PKHD1: variants seen among roughly 807,000 people sequenced by gnomAD.
The protein encoded by PKHD1 is PKHD1 ciliary IPT domain containing fibrocystin/polyductin, also known as fibrocystin.
A neutral mutation model predicts 412.0 loss-of-function variants in PKHD1; 291 were observed. That is an observed-to-expected ratio of 0.71 (90% confidence interval 0.64 to 0.78). The LOEUF (loss-of-function observed/expected upper bound fraction) is 0.78. Among genes scored for constraint, PKHD1 ranks in the 30% least tolerant of loss-of-function variants. The pLI, the probability that PKHD1 is intolerant of heterozygous loss-of-function variation, is 0.00. For missense variants in PKHD1, 4,825 were observed against 4,950.7 expected, an observed-to-expected ratio of 0.97 and a Z score of 0.76; for synonymous variants, 1,777 against 1,821.5, an observed-to-expected ratio of 0.98 and a Z score of 0.62.
chr6:51,782,414 G>A (rs1213705703), intron 53 of PKHD1, among the ~76,000 whole-genome samples: 7 of 151,958 alleles, frequency 4.6e-5, no homozygotes. Context: ...GCCTTATTAG[G>A]GACTCTCCAA....
chr6:51,762,949 T>C (rs1582532421), intron 55 of PKHD1, among the ~76,000 whole-genome samples: 1 of 152,160 alleles, frequency 6.6e-6, no homozygotes, highest in Admixed American at 6.6e-5. Context: ...TTATTTTGAG[T>C]CTGAAGTTAT....
At chr6:51,848,395 T>C (rs776080140) in intron 49 of PKHD1, among the ~76,000 whole-genome samples, 1 of 152,178 alleles carries the variant, frequency 6.6e-6, no homozygotes, top group African/African-American at 2.4e-5. Context: ...ATCACAGTAA[T>C]AGCTAACATT....
chr6:51,677,313 G>A (rs1210620841), intron 60 of PKHD1, among the ~76,000 whole-genome samples: 2 of 152,258 alleles, frequency 1.3e-5, no homozygotes, highest in East Asian at 1.9e-4. Context: ...CATTTTCAAT[G>A]AGGAGGATGC....
At chr6:51,953,874 T>C (rs1790737225) in intron 36 of PKHD1, among the ~76,000 whole-genome samples, 1 of 151,926 alleles carries the variant, frequency 6.6e-6, no homozygotes, top group South Asian at 2.1e-4. Context: ...TTCTGTGAAG[T>C]CAAAGTAACA....
At chr6:51,749,258 T>C (rs1479811822) in intron 57 of PKHD1, among the ~76,000 whole-genome samples, 3 of 152,232 alleles carry the variant, frequency 2.0e-5, no homozygotes, top group Non-Finnish European at 4.4e-5. Context: ...CTTTAAAGAT[T>C]CTGTAAAATG....
intron 60 of PKHD1, among the ~76,000 whole-genome samples, chr6:51,686,737 C>A (rs1018395338): frequency 2.0e-5 from 3 of 152,134 alleles, no homozygotes; most frequent in African/African-American, 7.2e-5. Flanking sequence ...GCACCAGGCA[C>A]ATAGTAGACT....
chr6:51,763,012 T>C (rs1453364835), intron 55 of PKHD1, among the ~76,000 whole-genome samples: 1 of 152,104 alleles, frequency 6.6e-6, no homozygotes, highest in Non-Finnish European at 1.5e-5. Context: ...AAAATGAATA[T>C]ACTACATTAA....
chr6:51,784,865 T>C (rs550944395), intron 53 of PKHD1, among the ~76,000 whole-genome samples: 53 of 152,346 alleles, frequency 3.5e-4, no homozygotes, highest in African/African-American at 1.2e-3. Context: ...CTTGTCTCTA[T>C]AGTCTGATGT....
chr6:51,952,543 G>C (rs149105249), intron 36 of PKHD1, among the ~76,000 whole-genome samples: 1 of 152,056 alleles, frequency 6.6e-6, no homozygotes, highest in African/African-American at 2.4e-5. Flanking sequence ...CAAAATGGTA[G>C]AGGGAAGAAA....
At chr6:51,760,118 T>G (rs1178080960) in intron 55 of PKHD1, among the ~76,000 whole-genome samples, 2 of 152,122 alleles carry the variant, frequency 1.3e-5, no homozygotes, top group African/African-American at 4.8e-5. Context: ...TTAAACTAAG[T>G]TGTTATAATA....
At chr6:51,905,250 A>C (rs974270846) in intron 41 of PKHD1, among the ~76,000 whole-genome samples, 7 of 152,162 alleles carry the variant, frequency 4.6e-5, no homozygotes, top group Non-Finnish European at 8.8e-5. Flanking sequence ...TTCTTAATTC[A>C]TTCATTTCTT....
At chr6:51,860,963 C>A (rs1270629713) in intron 48 of PKHD1, among the ~76,000 whole-genome samples, 1 of 152,018 alleles carries the variant, frequency 6.6e-6, no homozygotes, top group Admixed American at 6.6e-5. Flanking sequence ...AGGCACCCAC[C>A]ACCACACCCA....
At chr6:51,822,167 T>G (rs1459590575) in intron 52 of PKHD1, among the ~76,000 whole-genome samples, 1 of 152,194 alleles carries the variant, frequency 6.6e-6, no homozygotes, top group African/African-American at 2.4e-5. Flanking sequence ...CTTAAAAGTC[T>G]GCTCATGGGC....
chr6:51,944,411 G>A (rs1429771080), intron 36 of PKHD1, among the ~76,000 whole-genome samples: 4 of 152,146 alleles, frequency 2.6e-5, no homozygotes, highest in South Asian at 2.1e-4. Context: ...TGGTCTCTTC[G>A]CATGGATGCG....
rs149140697 is a variant in PKHD1, at chr6:51,975,114, T to A, written c.5752-15088A>T. On this transcript the variant is annotated intron_variant, in intron 35 of 66. Coordinates refer to ENST00000371117, the MANE Select transcript of PKHD1 (RefSeq NM_138694.4). ...AAAAAATAAAATTAATGAAGCTTCA[T>A]TACATTTTGCATATTAAGCAAGAAA... is the stretch of plus-strand genomic sequence containing the variant. Among the ~76,000 whole-genome samples the A allele has an allele frequency of 7.2e-5, 11 of 152,152 alleles. No homozygotes were observed. In the East Asian group the frequency reaches 2.1e-3, roughly 29 times the overall value.
In PKHD1 at chr6:51,775,334, G is replaced by T. The variant is rs1790833744; in HGVS notation, c.8554+474C>A. On this transcript the variant is annotated intron_variant, in intron 54 of 66. Transcript: ENST00000371117. ...GAGTTAGTTGGGGATACATACATAT[G>T]GTTATACAAGGCCAGTCCCCGTTTC... is the stretch of plus-strand genomic sequence containing the variant. Among the ~76,000 whole-genome samples the T allele has an allele frequency of 2.0e-5, 3 of 151,700 alleles. No individual in the cohort carries two copies. In the South Asian group the frequency reaches 6.2e-4, roughly 31 times the overall value.
At chr6:51,744,839 GAACAT>G (rs1175216772) in intron 59 of PKHD1, among the ~76,000 whole-genome samples, 1 of 152,008 alleles carries the variant, frequency 6.6e-6, no homozygotes, top group Non-Finnish European at 1.5e-5. Context: ...CATAACAACT[GAACAT>G]AATATAATTA....
At chr6:51,765,829 G>C (rs143495710) in intron 55 of PKHD1, among the ~76,000 whole-genome samples, 30 of 152,182 alleles carry the variant, frequency 2.0e-4, no homozygotes, top group African/African-American at 7.2e-4. Context: ...CTGGCACATA[G>C]TAAATATTCC....
chr6:51,629,648 C>T (rs896290209), intron 65 of PKHD1, among the ~76,000 whole-genome samples: 7 of 151,912 alleles, frequency 4.6e-5, no homozygotes, highest in African/African-American at 1.7e-4. Flanking sequence ...TGATAAAGCA[C>T]TAAAGAAAAT....
Sources: allele counts gnomAD v4.1 joint callset (sites outside exome capture counted in the v4.1 genomes callset), GRCh38; gene constraint gnomAD v4.1.1; transcripts MANE v1.5; gene names NCBI Gene and HGNC (gene_info 2026-07-23, HGNC 2026-07-21).